The following PI4KA variants were observed in gnomAD, a reference collection of about 807,000 sequenced individuals.
The protein encoded by PI4KA is PI4-kinase alpha.
In PI4KA, 122 loss-of-function variants were observed where a neutral mutation model predicts 271.4. The ratio of observed to expected loss-of-function variants is 0.45; its 90% CI spans 0.39 to 0.52. The LOEUF (loss-of-function observed/expected upper bound fraction) is 0.52. Among genes scored for constraint, PI4KA ranks in the 20% least tolerant of loss-of-function variants. The pLI is 0.00. For missense variants in PI4KA, 1,969 were observed against 2,769.1 expected, an observed-to-expected ratio of 0.71 and a Z score of 6.48; for synonymous variants, 1,041 against 1,078.8, an observed-to-expected ratio of 0.96 and a Z score of 0.69.
At chr22:20,714,967 G>A (rs1925791376) in intron 45 of PI4KA, among the ~76,000 whole-genome samples, 1 of 152,182 alleles carries the variant, frequency 6.6e-6, no homozygotes, top group African/African-American at 2.4e-5. Context: ...GGAGCACTGA[G>A]CCCCATCCTC....
At chr22:20,799,928 C>A (rs914636689) in intron 14 of PI4KA, among the ~76,000 whole-genome samples, 162 bp from the exon 15 acceptor site, 3 of 152,150 alleles carry the variant, frequency 2.0e-5, no homozygotes, top group Admixed American at 2.0e-4. Flanking sequence ...CAAAGAATTA[C>A]TCCAGATTTT....
chr22:20,712,816 C>T lies in PI4KA; in HGVS notation c.5572-19G>A. The T allele has an allele frequency of 6.4e-7, 1 of 1,550,590 alleles. No individual in the cohort carries two copies. The highest frequency in any genetic ancestry group is 1.2e-5 in the South Asian group (1 of 83,984). The stretch of plus-strand genomic sequence containing the variant: ...GCATGTCCTGGGAAGCCGGGAGGCG[C>T]AGGATGCGGTCAGTTGGCGTCCTTG... On this transcript the variant is annotated intron_variant, in intron 48 of 54. Coordinates refer to ENST00000255882, the MANE Select transcript of PI4KA (RefSeq NM_058004.4).
chr22:20,807,409 TAG>T lies in PI4KA; in HGVS notation c.1119_1120del (p.Tyr374ProfsTer9). ...ACGCAGCATCTTGAACATGGTCAGG[TAG>T]AGAGGGTCACTGAAGGAAGTGTAGT... On this transcript the variant is annotated frameshift_variant, in exon 10 of 55. Transcript: ENST00000255882. LOFTEE classifies it high-confidence loss of function. 2 of 1,613,548 alleles carry T rather than the reference TAG, an allele frequency of 1.2e-6. No homozygotes were observed. Among genetic ancestry groups the T allele is most frequent in the Non-Finnish European group, 1.7e-6 (2 of 1,179,590 alleles).
At chr22:20,770,097 G>C (rs748297830) in intron 19 of PI4KA, among the ~76,000 whole-genome samples, 6 of 152,040 alleles carry the variant, frequency 3.9e-5, no homozygotes, top group Non-Finnish European at 5.9e-5. Context: ...GACCACACTG[G>C]AGTAGGGGGT....
intron 4 of PI4KA, among the ~76,000 whole-genome samples, chr22:20,821,463 A>G (rs1004375238): frequency 4.6e-5 from 7 of 152,012 alleles, no homozygotes; most frequent in Admixed American, 6.6e-5. Context: ...CAGGTGATCC[A>G]CCTGCCTTGG....
intron 23 of PI4KA, among the ~76,000 whole-genome samples, chr22:20,754,512 T>TG (rs1394931704): frequency 6.6e-6 from 1 of 152,248 alleles, no homozygotes; most frequent in East Asian, 1.9e-4. Context: ...ATTGATATTT[T>TG]GGGGAAGATA....
At chr22:20,731,957 G>A (rs1928117444) in intron 36 of PI4KA, among the ~76,000 whole-genome samples, 1 of 147,864 alleles carries the variant, frequency 6.8e-6, no homozygotes, top group Non-Finnish European at 1.5e-5. Flanking sequence ...AAAAAGTCTG[G>A]GCGCGGAGAT....
At chr22:20,833,368 C>T (rs1293496594) in intron 3 of PI4KA, among the ~76,000 whole-genome samples, 2 of 152,210 alleles carry the variant, frequency 1.3e-5, no homozygotes, top group Non-Finnish European at 2.9e-5. Flanking sequence ...GACAGCAGCA[C>T]CAGCAGTGCA....
rs760183023 is a variant in PI4KA, at chr22:20,727,341, C to T, written c.4830G>A (p.Leu1610=). The change falls in exon 41 of 55, where the codon CTG becomes CTA. Residue 1610 remains leucine (L), a synonymous_variant. Coordinates refer to ENST00000255882, the MANE Select transcript of PI4KA (RefSeq NM_058004.4). ...TGGGTGGGTCCGTGGGCGCCCAGCA[C>T]AGCACATGGCTGAGCTCTGGAGCAT... The part of the protein sequence containing the change: ...DADAPELSHV[L]CWAPTDPPTG... 11 of 1,612,694 alleles carry T rather than the reference C, an allele frequency of 6.8e-6. No homozygotes were observed. The South Asian group carries it at 9.9e-5, about 15-fold the overall frequency.
intron 3 of PI4KA, among the ~76,000 whole-genome samples, chr22:20,831,881 G>T (rs1235998314): frequency 6.6e-6 from 1 of 152,046 alleles, no homozygotes; most frequent in Admixed American, 6.5e-5. Flanking sequence ...GTGAGATTGG[G>T]AAAATACTCA....
rs529880142 is a variant in PI4KA at position 20,819,958 on chromosome 22, G to GT, written c.530-59dup. ...GAAAGTATCCTGATAGAGTCATATA[G>GT]TAAGTACTAACTTGTAACATTGACT... On this transcript the variant is annotated intron_variant, in intron 5 of 54. Transcript: ENST00000255882. 2.3e-4 allele frequency: 330 copies of GT among 1,422,104 alleles called. 4 individuals carry two copies. The South Asian group carries it at 3.5e-3, about 15-fold the overall frequency. The allele number at this position is 1,422,104 out of a possible 1,614,324, so 88.1% of individuals were successfully genotyped here.
chr22:20,717,016 C>G (rs527769750), intron 45 of PI4KA, among the ~76,000 whole-genome samples: 1 of 152,028 alleles, frequency 6.6e-6, no homozygotes, highest in African/African-American at 2.4e-5. Flanking sequence ...GAGGCCGAGG[C>G]GGGCAGATCA....
chr22:20,813,324 C>A (rs1025033677), intron 8 of PI4KA, 34 bp downstream of exon 8: 4 of 1,438,018 alleles, frequency 2.8e-6, no homozygotes, highest in Non-Finnish European at 3.9e-6. Context: ...ACTGACATAT[C>A]CATGGTCTGT....
chr22:20,827,734 AT>A (rs991444241), intron 3 of PI4KA, among the ~76,000 whole-genome samples: 10 of 152,100 alleles, frequency 6.6e-5, no homozygotes, highest in African/African-American at 2.4e-4. Context: ...TTTCAGCAGT[AT>A]TTTGTAATTC....
At chr22:20,742,412 G>A in intron 31 of PI4KA, 57 bp from the exon 32 acceptor site, 1 of 1,590,196 alleles carries the variant, frequency 6.3e-7, no homozygotes, top group Non-Finnish European at 8.6e-7. Flanking sequence ...CCCCAAAACA[G>A]CTTCCCTGGG....
intron 23 of PI4KA, among the ~76,000 whole-genome samples, chr22:20,758,334 C>CAGCTTGG (rs1931539831): frequency 7.5e-6 from 1 of 134,224 alleles, no homozygotes; most frequent in Admixed American, 8.0e-5. Context: ...CACTGCACTC[C>CAGCTTGG]AGCTTGGGCA....
intron 3 of PI4KA, among the ~76,000 whole-genome samples, chr22:20,830,265 C>T (rs1923978336): frequency 6.6e-6 from 1 of 152,208 alleles, no homozygotes; most frequent in African/African-American, 2.4e-5. Context: ...TATGTGGTTA[C>T]CTAAGCCTCT....
intron 9 of PI4KA, among the ~76,000 whole-genome samples, chr22:20,807,669 G>A (rs926153033): frequency 1.3e-5 from 2 of 152,190 alleles, no homozygotes; most frequent in Non-Finnish European, 2.9e-5. Context: ...GCAGTCCAGA[G>A]ATGCCTGCGG....
At chr22:20,743,507 G>C (rs898197215) in intron 30 of PI4KA, among the ~76,000 whole-genome samples, 6 of 152,058 alleles carry the variant, frequency 3.9e-5, no homozygotes, top group African/African-American at 1.4e-4. Context: ...CCAGGCTGGA[G>C]TGCAGTGGTG....
Sources: allele counts gnomAD v4.1 joint callset (sites outside exome capture counted in the v4.1 genomes callset), GRCh38; gene constraint gnomAD v4.1.1; transcripts MANE v1.5; gene names NCBI Gene and HGNC (gene_info 2026-07-23, HGNC 2026-07-21).